PPL: variants seen among roughly 807,000 people sequenced by gnomAD.
PPL encodes 190 kDa paraneoplastic pemphigus antigen.
A neutral mutation model predicts 194.4 loss-of-function variants in PPL; 198 were observed. That is an observed-to-expected ratio of 1.02 (90% CI 0.91 to 1.15). The LOEUF is 1.15. PPL is among the 50% of genes most tolerant of loss of function. The probability of loss-of-function intolerance (pLI) is 0.00; values close to 1 mark genes in which losing one functional copy is unlikely to be tolerated. For synonymous variants in PPL, 1,220 were observed against 972.4 expected, an observed-to-expected ratio of 1.25 and a Z score of -4.74; for missense variants, 2,885 against 2,294.8, an observed-to-expected ratio of 1.26 and a Z score of -5.25.
At position 4,899,333 on chromosome 16, in the gene PPL, G is replaced by C; in HGVS notation, c.658C>G (p.Gln220Glu). ...QHLSSLQDYM[Q>E]RCTNELYWLD... is the part of the protein sequence containing the mutation. Reference sequence around the variant, plus strand: ...CAGTACAGCTCATTGGTGCAGCGCTGCATGTAGTCCTGCAGCGAACTCAGG... The same window carrying C: ...CAGTACAGCTCATTGGTGCAGCGCTCCATGTAGTCCTGCAGCGAACTCAGG... The change falls in exon 7 of 22, where the codon CAG becomes GAG. Residue 220 changes from glutamine (Q) to glutamate (E), a missense_variant. By Grantham distance (29) the Gln-to-Glu change is conservative. Coordinates refer to ENST00000345988, the MANE Select transcript of PPL (RefSeq NM_002705.5). 1.2e-6 allele frequency: 2 copies of C among 1,613,328 alleles called. No individual in the cohort carries two copies. The highest frequency in any genetic ancestry group is 1.7e-6 in the Non-Finnish European group (2 of 1,179,884).
rs1016847665 is a variant in PPL at position 4,884,700 on chromosome 16, G to A, written c.3955C>T (p.Gln1319Ter). The change falls in exon 22 of 22, where the codon CAG (glutamine) becomes TAG (stop). Residue 1319 changes from glutamine (Q) to a stop codon, truncating the protein, a stop_gained. Coordinates refer to ENST00000345988, the MANE Select transcript of PPL (RefSeq NM_002705.5). LOFTEE classifies it high-confidence loss of function. This position sits in a 1 kb window ranked among gnomAD's most constrained non-coding sequence, Gnocchi z 5.7. ...ASLRAKLSEE[Q>*]KKQVDLERER... is the part of the protein sequence containing the mutation. Reference sequence around the variant, plus strand: ...CTCTCCAGATCCACTTGTTTCTTCTGCTCCTCTGAGAGCTTTGCCCTCAGA... The same window carrying A: ...CTCTCCAGATCCACTTGTTTCTTCTACTCCTCTGAGAGCTTTGCCCTCAGA... 6.2e-7 allele frequency: 1 copy of A among 1,613,936 alleles called. No individual in the cohort carries two copies. Among genetic ancestry groups the A allele is most frequent in the South Asian group, 1.1e-5 (1 of 91,076 alleles).
chr16:4,899,041 G>A lies in PPL; in HGVS notation c.848C>T (p.Ala283Val). The A allele has an allele frequency of 6.2e-7, 1 of 1,612,776 alleles. No individual in the cohort carries two copies. The highest frequency in any genetic ancestry group is 8.5e-7 in the Non-Finnish European group (1 of 1,179,402). ...AATGGAGTTCCTCCCGGGGTGCTCGGCCGCCAGCAGCTGGTCGCCCTCGCT... is the reference window on the plus strand; with the variant it reads ...AATGGAGTTCCTCCCGGGGTGCTCGACCGCCAGCAGCTGGTCGCCCTCGCT... ...LHSEGDQLLA[A>V]EHPGRNSIEA... The change falls in exon 8 of 22, where the codon GCC (alanine) becomes GTC (valine). Residue 283 changes from alanine (A) to valine (V), a missense_variant. Coordinates refer to ENST00000345988, the MANE Select transcript of PPL (RefSeq NM_002705.5).
chr16:4,885,905 TGGG>T lies in PPL; in HGVS notation c.2747_2749del (p.Thr916_Gln917delinsLys), dbSNP rs779994470. ...ATTCCTCAAGGTCCAGATTTCTTCCTGGGTGCTCTTGACCTCGTTCTCCAGCTG... is the reference window on the plus strand; with the variant it reads ...ATTCCTCAAGGTCCAGATTTCTTCCTTGCTCTTGACCTCGTTCTCCAGCTG... On this transcript the variant is annotated inframe_deletion, in exon 22 of 22. Coordinates refer to ENST00000345988, the MANE Select transcript of PPL (RefSeq NM_002705.5). The surrounding 1 kb of genome is among the most constrained non-coding windows in gnomAD (Gnocchi z 6.3). 2 of 1,611,330 alleles carry T rather than the reference TGGG, an allele frequency of 1.2e-6. No individual in the cohort carries two copies. Among genetic ancestry groups the T allele is most frequent in the Non-Finnish European group, 1.7e-6 (2 of 1,180,008 alleles).
intron 1 of PPL, among the ~76,000 whole-genome samples, chr16:4,926,312 C>T (rs2089153409): frequency 6.6e-6 from 1 of 152,184 alleles, no homozygotes; most frequent in Admixed American, 6.5e-5. Context: ...AAATTTTCGA[C>T]CCCACCCCAC....
intron 1 of PPL, among the ~76,000 whole-genome samples, chr16:4,922,428 G>A (rs924207446): frequency 2.6e-5 from 4 of 152,166 alleles, no homozygotes; most frequent in African/African-American, 9.7e-5. Context: ...TTGGGAGGCT[G>A]AGGTGGGCAG....
At position 4,902,003 on chromosome 16, in the gene PPL, C is replaced by T. The variant is rs2088582814; in HGVS notation, c.438+403G>A. Among the ~76,000 whole-genome samples the T allele has an allele frequency of 6.6e-6, 1 of 152,046 alleles. No individual in the cohort carries two copies. Among genetic ancestry groups the T allele is most frequent in the Non-Finnish European group, 1.5e-5 (1 of 67,998 alleles). ...AAAACTGGGGAAGCTAAGGCTTGAA[C>T]CCGGGACACCTAGCTGCAGTGGCTG... On this transcript the variant is annotated intron_variant, in intron 4 of 21. Transcript: ENST00000345988. The surrounding 1 kb of genome is among the most constrained non-coding windows in gnomAD (Gnocchi z 4.0).
intron 2 of PPL, among the ~76,000 whole-genome samples, chr16:4,908,249 T>C (rs1280264595): frequency 6.6e-6 from 1 of 151,548 alleles, no homozygotes; most frequent in African/African-American, 2.4e-5. Flanking sequence ...TCCCAGCACT[T>C]TGGGAAGCTG....
chr16:4,901,186 T>C (rs1316616629), intron 4 of PPL, 97 bp from the exon 5 acceptor site: 2 of 1,381,146 alleles, frequency 1.4e-6, no homozygotes, highest in Non-Finnish European at 2.0e-6. Flanking sequence ...ATGATGGTGC[T>C]CTCTTTTTCA....
In PPL at chr16:4,888,105, T is replaced by G. The variant is rs984421754; in HGVS notation, c.2511A>C (p.Glu837Asp). 3.1e-6 allele frequency: 5 copies of G among 1,611,458 alleles called. No individual in the cohort carries two copies. In the African/African-American group the frequency reaches 5.3e-5, roughly 17 times the overall value. Reference protein sequence around the residue: ...RLQSPATKVKEEEAALAAKFT... With the variant: ...RLQSPATKVKDEEAALAAKFT... ...CCGCCTGGCCCATGGAACTCACCTCTTCCTTCACTTTGGTGGCAGGAGATT... is the reference window on the plus strand; with the variant it reads ...CCGCCTGGCCCATGGAACTCACCTCGTCCTTCACTTTGGTGGCAGGAGATT... The change falls in exon 20 of 22, where the codon GAA (glutamate) becomes GAC (aspartate). Residue 837 changes from glutamate (E) to aspartate (D), a missense_variant. Glu to Asp is a conservative substitution (Grantham distance 45, BLOSUM62 2). Transcript: ENST00000345988.
In PPL at chr16:4,883,432, C is replaced by T. The variant is rs773378569; in HGVS notation, c.5223G>A (p.Lys1741=). 1 of 1,614,182 alleles carries T rather than the reference C, an allele frequency of 6.2e-7. No homozygotes were observed. The highest frequency in any genetic ancestry group is 8.5e-7 in the Non-Finnish European group (1 of 1,180,022). Residue 1741 remains lysine, a synonymous_variant, in exon 22 of 22, where the codon AAG becomes AAA. Coordinates refer to ENST00000345988, the MANE Select transcript of PPL (RefSeq NM_002705.5). The surrounding 1 kb of genome is among the most constrained non-coding windows in gnomAD (Gnocchi z 4.8). ...TPAQYDRYVN[K]DMSIQELAVL... ...CCGCCAGCTCCTGGATGGACATATC[C>T]TTGTTGACATAGCGGTCATACTGAG...
At chr16:4,916,903 G>A (rs1440803198) in intron 1 of PPL, among the ~76,000 whole-genome samples, 2 of 152,140 alleles carry the variant, frequency 1.3e-5, no homozygotes, top group Non-Finnish European at 2.9e-5. Context: ...GCCGAGGCAG[G>A]TGGATCACCT....
chr16:4,911,035 C>G, intron 1 of PPL, 86 bp from the exon 2 acceptor site: 1 of 1,095,308 alleles, frequency 9.1e-7, no homozygotes. Context: ...TCTGGCTGGC[C>G]CCGGCCCCAC....
intron 1 of PPL, among the ~76,000 whole-genome samples, chr16:4,932,424 T>G (rs1233783991): frequency 6.6e-6 from 1 of 151,806 alleles, no homozygotes; most frequent in Non-Finnish European, 1.5e-5. Flanking sequence ...TTTTTTTTTT[T>G]TTTGAGACGG....
At chr16:4,913,596 G>T (rs1375838013) in intron 1 of PPL, among the ~76,000 whole-genome samples, 2 of 152,184 alleles carry the variant, frequency 1.3e-5, no homozygotes, top group Non-Finnish European at 2.9e-5. Context: ...GAAGTGCAGT[G>T]GTATCATCTT....
chr16:4,887,099 C>T (rs758709448), intron 21 of PPL, 36 bp downstream of exon 21: 32 of 1,496,126 alleles, frequency 2.1e-5, no homozygotes, highest in Non-Finnish European at 2.9e-5. Context: ...CCTGTTAGAA[C>T]AGCCTGAAGT....
intron 16 of PPL, among the ~76,000 whole-genome samples, chr16:4,891,179 CCTGCCACTGT>C (rs1160278915): frequency 1.3e-5 from 2 of 152,230 alleles, no homozygotes; most frequent in Non-Finnish European, 2.9e-5. Context: ...GCGAGAACAG[CCTGCCACTGT>C]CTGGTCATGA....
At position 4,890,884 on chromosome 16, in the gene PPL, A is replaced by G. The variant is rs775980088; in HGVS notation, c.2006T>C (p.Leu669Pro). The part of the protein sequence containing the change: ...ACELQAQKSL[L>P]GEVEQNLQAA... ...CTGCAAGTTCTGCTCCACCTCACCC[A>G]GGAGGGACTTCTGGGCCTGTAACTC... Residue 669 changes from leucine (L) to proline (P), a missense_variant, in exon 17 of 22, where the codon CTG becomes CCG. Transcript: ENST00000345988. 1.9e-6 allele frequency: 3 copies of G among 1,542,372 alleles called. No homozygotes were observed. The highest frequency in any genetic ancestry group is 1.4e-5 in the African/African-American group (1 of 73,026).
intron 1 of PPL, among the ~76,000 whole-genome samples, chr16:4,914,016 T>G (rs1339278127): frequency 6.6e-6 from 1 of 152,206 alleles, no homozygotes; most frequent in Non-Finnish European, 1.5e-5. Flanking sequence ...ACCTCTGGAC[T>G]GGCTGGGTGG....
intron 2 of PPL, among the ~76,000 whole-genome samples, chr16:4,905,731 T>G (rs2088668707): frequency 6.6e-6 from 1 of 152,198 alleles, no homozygotes. Flanking sequence ...AAGAGTGCCT[T>G]TGCCTGGCTA....
Sources: gnomAD v4.1 joint callset for allele counts (sites outside exome capture counted in the v4.1 genomes callset) on GRCh38, gnomAD v4.1.1 for gene constraint, Gnocchi (gnomAD v3.1) non-coding constraint, MANE v1.5 for transcripts, NCBI Gene and HGNC (gene_info 2026-07-23, HGNC 2026-07-21) for gene names.